Variants in TMEM178A observed in about 807,000 individuals in gnomAD.
TMEM178A encodes transmembrane protein 178A.
TMEM178A carries 12 observed loss-of-function variants against 29.1 expected under a neutral mutation model. The ratio of observed to expected loss-of-function variants is 0.41; its 90% CI spans 0.26 to 0.67. The LOEUF (loss-of-function observed/expected upper bound fraction) is 0.67, where lower values mean the gene tolerates loss of function less well. Among genes scored for constraint, TMEM178A ranks in the 30% least tolerant of loss-of-function variants. The pLI is 0.29. For synonymous variants in TMEM178A, 210 were observed against 187.2 expected (o/e 1.12, Z -0.99); for missense variants, 366 against 419.1 (o/e 0.87, Z 1.11).
rs1406154093 is a variant in TMEM178A at position 39,665,983 on chromosome 2, G to A, written c.9G>A (p.Pro3=). 1 of 1,383,896 alleles carries A rather than the reference G, an allele frequency of 7.2e-7. No homozygotes were observed. The highest frequency in any genetic ancestry group is 9.3e-7 in the Non-Finnish European group (1 of 1,070,016). 85.7% of individuals were successfully genotyped at this position (1,383,896 alleles called of 1,614,324 possible). A position where few individuals can be genotyped will look rare whatever the true frequency, so the allele number is the denominator to read the frequency against. Residue 3 remains proline (P), a synonymous_variant, in exon 1 of 4, where the codon CCG becomes CCA. Transcript: ENST00000281961. ME[P]RALVTALSLG... ...CGGCGGGGCGGGAAGCCATGGAGCC[G>A]CGGGCGCTCGTCACGGCGCTCAGCC...
chr2:39,700,264 A>G (rs544415025), intron 1 of TMEM178A, among the ~76,000 whole-genome samples: 17 of 152,302 alleles, frequency 1.1e-4, no homozygotes, highest in African/African-American at 4.1e-4. Context: ...TTATTGAAAT[A>G]GAAGTATTGA....
intron 1 of TMEM178A, among the ~76,000 whole-genome samples, chr2:39,703,090 A>C (rs959979582): frequency 5.9e-5 from 9 of 152,228 alleles, no homozygotes; most frequent in African/African-American, 2.2e-4. Flanking sequence ...ATGCACTCAG[A>C]TTCCACCAAT....
chr2:39,699,172 T>TGC (rs1344272272), intron 1 of TMEM178A, among the ~76,000 whole-genome samples: 1 of 150,920 alleles, frequency 6.6e-6, no homozygotes, highest in African/African-American at 2.4e-5. Flanking sequence ...ATTACAGACA[T>TGC]GTGCCACCAT....
At chr2:39,708,285 C>G (rs979853382) in intron 3 of TMEM178A, among the ~76,000 whole-genome samples, 1 of 151,662 alleles carries the variant, frequency 6.6e-6, no homozygotes, top group Non-Finnish European at 1.5e-5. Flanking sequence ...GATAGTATCA[C>G]ATGAGGTGGG....
chr2:39,701,625 A>T (rs1334597924), intron 1 of TMEM178A, among the ~76,000 whole-genome samples: 1 of 151,944 alleles, frequency 6.6e-6, no homozygotes, highest in African/African-American at 2.4e-5. Context: ...ATTTCTTCAA[A>T]TACTCTTTTT....
intron 1 of TMEM178A, among the ~76,000 whole-genome samples, chr2:39,683,889 G>T (rs1670968677): frequency 6.6e-6 from 1 of 152,156 alleles, no homozygotes; most frequent in South Asian, 2.1e-4. Flanking sequence ...CTTTAGCAGT[G>T]CCTTATTTAT....
chr2:39,707,363 A>T (rs1672081062), intron 3 of TMEM178A, among the ~76,000 whole-genome samples, 177 bp downstream of exon 3: 1 of 152,250 alleles, frequency 6.6e-6, no homozygotes, highest in African/African-American at 2.4e-5. Context: ...CAACAGTGTG[A>T]GAAATGCATC....
At position 39,717,201 on chromosome 2, in the gene TMEM178A, AG is replaced by A; in HGVS notation, c.845del (p.Ser282ThrfsTer8). ...TCTCTGCATCGCTTATCCGTTTATT[AG>A]CCGGACCAAGATTGCACAGCTAAAG... ...GGLCIAYPFI[S>X]RTKIAQLKSG... On this transcript the variant is annotated frameshift_variant, in exon 4 of 4. Transcript: ENST00000281961. LOFTEE classifies it high-confidence loss of function. The A allele has an allele frequency of 6.2e-7, 1 of 1,613,498 alleles. No homozygotes were observed. Among genetic ancestry groups the A allele is most frequent in the Non-Finnish European group, 8.5e-7 (1 of 1,179,948 alleles).
At position 39,674,800 on chromosome 2, in the gene TMEM178A, T is replaced by G. The variant is rs75414854; in HGVS notation, c.400+8426T>G. Among the ~76,000 whole-genome samples, 119 of 152,328 alleles carry G rather than the reference T, an allele frequency of 7.8e-4. No individual in the cohort carries two copies. In the East Asian group the frequency reaches 0.019, roughly 25 times the overall value. The stretch of plus-strand genomic sequence containing the variant: ...CCAGAAGATACCCGCTGAAGAAGCA[T>G]CAAAGTCTTGTATTCCTTTCTCTCT... On this transcript the variant is annotated intron_variant, in intron 1 of 3. Transcript: ENST00000281961.
chr2:39,733,473 C>T, the TMEM178A span, among the ~76,000 whole-genome samples: 4,122 of 152,214 alleles, frequency 0.027, 181 homozygotes, highest in African/African-American at 0.093. Flanking sequence ...TTTTCTGGTT[C>T]ATCTTGGCCG....
intron 1 of TMEM178A, among the ~76,000 whole-genome samples, chr2:39,699,238 G>A (rs917919706): frequency 4.6e-5 from 7 of 151,762 alleles, no homozygotes; most frequent in African/African-American, 1.7e-4. Context: ...TGTTGGCCAG[G>A]CTGGTCTTGA....
At chr2:39,730,052 T>C in the TMEM178A span, among the ~76,000 whole-genome samples, 29 of 152,194 alleles carry the variant, frequency 1.9e-4, no homozygotes, top group Admixed American at 4.6e-4. Flanking sequence ...GTTCTAGACA[T>C]ACCTCTCTCT....
the TMEM178A span, among the ~76,000 whole-genome samples, chr2:39,731,310 T>C: frequency 6.6e-6 from 1 of 152,170 alleles, no homozygotes; most frequent in Non-Finnish European, 1.5e-5. Flanking sequence ...TATAATAGAA[T>C]ACTTGAGACT....
chr2:39,734,976 T>C, the TMEM178A span, among the ~76,000 whole-genome samples: 1 of 152,204 alleles, frequency 6.6e-6, no homozygotes, highest in Admixed American at 6.5e-5. Context: ...TTCTTTTGCC[T>C]GAATCATTGC....
chr2:39,719,538 C>T (rs941356729), downstream of TMEM178A, among the ~76,000 whole-genome samples: 1 of 152,238 alleles, frequency 6.6e-6, no homozygotes. Flanking sequence ...TTTCTACTTA[C>T]TGTCACGCAA....
intron 1 of TMEM178A, among the ~76,000 whole-genome samples, chr2:39,696,493 A>G (rs983843970): frequency 6.6e-6 from 1 of 152,144 alleles, no homozygotes; most frequent in Non-Finnish European, 1.5e-5. Flanking sequence ...ATTCCTCACC[A>G]TAACTCAGTG....
At chr2:39,687,257 C>G (rs945382525) in intron 1 of TMEM178A, 1 of 166,924 alleles carries the variant, frequency 6.0e-6, no homozygotes. Context: ...ACTGTTTGAA[C>G]TATGTGGGGT....
the TMEM178A span, among the ~76,000 whole-genome samples, chr2:39,733,852 G>C: frequency 3.0e-3 from 456 of 152,186 alleles, 1 homozygote; most frequent in Middle Eastern, 0.017. Context: ...CCGTAATCGT[G>C]AACAAATTAT....
the TMEM178A span, among the ~76,000 whole-genome samples, chr2:39,733,611 C>G: frequency 2.0e-5 from 3 of 152,128 alleles, no homozygotes; most frequent in Admixed American, 2.0e-4. Flanking sequence ...TATTTACTTA[C>G]ATATTTATTA....
Sources: gnomAD v4.1 joint callset for allele counts (sites outside exome capture counted in the v4.1 genomes callset) on GRCh38, gnomAD v4.1.1 for gene constraint, MANE v1.5 for transcripts, NCBI Gene and HGNC (gene_info 2026-07-23, HGNC 2026-07-21) for gene names.